The following AMBRA1 variants were observed in gnomAD, a reference collection of about 807,000 sequenced individuals.
AMBRA1 encodes the protein autophagy and beclin 1 regulator 1, also known as activating molecule in BECN1-regulated autophagy protein 1.
AMBRA1 carries 47 observed loss-of-function variants against 125.4 expected under a neutral mutation model. The observed-to-expected ratio is 0.37, with a 90% CI of 0.30 to 0.48. AMBRA1 has a LOEUF of 0.48. AMBRA1 is among the 20% of genes least tolerant of loss of function. AMBRA1 has a pLI of 0.99. For synonymous variants in AMBRA1, 626 were observed against 655.5 expected (o/e 0.95, Z 0.69); for missense variants, 1,331 against 1,693.4 (o/e 0.79, Z 3.76).
chr11:46,573,463 T>C (rs1470470769), intron 1 of AMBRA1, among the ~76,000 whole-genome samples: 1 of 151,530 alleles, frequency 6.6e-6, no homozygotes, highest in African/African-American at 2.4e-5. Context: ...TGTACCACAC[T>C]CCCTAAGGGC....
At position 46,418,004 on chromosome 11, in the gene AMBRA1, C is replaced by A. The variant is rs756766440; in HGVS notation, c.3025G>T (p.Val1009Phe). 6.2e-7 allele frequency: 1 copy of A among 1,608,744 alleles called. No homozygotes were observed. Among genetic ancestry groups the A allele is most frequent in the Non-Finnish European group, 8.5e-7 (1 of 1,176,318 alleles). The change falls in exon 15 of 18, where the codon GTC becomes TTC. Residue 1009 changes from valine to phenylalanine, a missense_variant. Val to Phe is a conservative substitution (Grantham distance 50). Transcript: ENST00000683756. ...AGCCAACGGGCAGAGTTGATACTGA[C>A]ATGTCTCCGCTGGTCGGCAGGCATG... The part of the protein sequence containing the change: ...YPMPADQRRH[V>F]SINSARWLPE...
intron 1 of AMBRA1, among the ~76,000 whole-genome samples, chr11:46,578,408 A>G (rs2044039783): frequency 6.6e-6 from 1 of 151,632 alleles, no homozygotes; most frequent in Non-Finnish European, 1.5e-5. Flanking sequence ...AGTTGCTTGA[A>G]CCTGGGAGGC....
At chr11:46,590,394 C>T (rs969449791) in intron 1 of AMBRA1, among the ~76,000 whole-genome samples, 2 of 151,424 alleles carry the variant, frequency 1.3e-5, no homozygotes, top group Admixed American at 1.3e-4. Flanking sequence ...GTAGTTCCAG[C>T]TATTGGGGAG....
chr11:46,413,780 C>A (rs1946406447), intron 15 of AMBRA1, among the ~76,000 whole-genome samples: 1 of 152,222 alleles, frequency 6.6e-6, no homozygotes, highest in Non-Finnish European at 1.5e-5. Context: ...CATGAGCCAC[C>A]ATGCCCGGCC....
At chr11:46,491,029 C>A (rs2059045837) in intron 11 of AMBRA1, 2 of 152,194 alleles carry the variant, frequency 1.3e-5, no homozygotes, top group Admixed American at 1.3e-4. Context: ...TAATAAAAAG[C>A]AAAACATCTG....
At chr11:46,493,849 T>C (rs1565216277) in intron 10 of AMBRA1, 141 bp from the exon 11 acceptor site, 2 of 689,084 alleles carry the variant, frequency 2.9e-6, no homozygotes, top group Admixed American at 6.0e-5. Context: ...CCAAGATTGG[T>C]CCTTCCGCAG....
intron 17 of AMBRA1, among the ~76,000 whole-genome samples, chr11:46,398,217 C>T (rs548387979): frequency 6.6e-6 from 1 of 152,360 alleles, no homozygotes; most frequent in African/African-American, 2.4e-5. Flanking sequence ...GCAGGTTGGC[C>T]TCAATGAGTT....
At chr11:46,480,812 G>C (rs1950033001) in intron 11 of AMBRA1, among the ~76,000 whole-genome samples, 1 of 152,312 alleles carries the variant, frequency 6.6e-6, no homozygotes, top group South Asian at 2.1e-4. Flanking sequence ...CCTTTTGACA[G>C]AGCTAAAGCT....
At chr11:46,489,554 C>T (rs777485171) in intron 11 of AMBRA1, among the ~76,000 whole-genome samples, 1 of 152,210 alleles carries the variant, frequency 6.6e-6, no homozygotes, top group Non-Finnish European at 1.5e-5. Flanking sequence ...CCGTAATGAC[C>T]TGTGGCTAGG....
intron 2 of AMBRA1, 66 bp from the exon 3 acceptor site, chr11:46,547,941 A>C: frequency 2.6e-6 from 4 of 1,522,376 alleles, no homozygotes; most frequent in East Asian, 2.3e-5. Context: ...ACCGTATCTC[A>C]AAAGCACATT....
At chr11:46,553,857 A>C (rs2043090028) in intron 1 of AMBRA1, among the ~76,000 whole-genome samples, 1 of 152,178 alleles carries the variant, frequency 6.6e-6, no homozygotes, top group Non-Finnish European at 1.5e-5. Context: ...TATCCTCATG[A>C]TACAGCTCTC....
intron 1 of AMBRA1, among the ~76,000 whole-genome samples, chr11:46,561,949 T>A (rs2043351492): frequency 6.6e-6 from 1 of 152,174 alleles, no homozygotes. Context: ...CAACAAGCAT[T>A]GATTAAGCAG....
At chr11:46,470,414 C>T (rs952265975) in intron 11 of AMBRA1, among the ~76,000 whole-genome samples, 1 of 151,808 alleles carries the variant, frequency 6.6e-6, no homozygotes, top group Non-Finnish European at 1.5e-5. Flanking sequence ...ACGGTGAAAC[C>T]CTATCTCTAC....
intron 11 of AMBRA1, among the ~76,000 whole-genome samples, chr11:46,464,714 C>A (rs1949244372): frequency 6.6e-6 from 1 of 152,070 alleles, no homozygotes; most frequent in Non-Finnish European, 1.5e-5. Flanking sequence ...TGCAAACCAA[C>A]CAATCCAGAG....
chr11:46,583,482 A>G (rs1359819651), intron 1 of AMBRA1, among the ~76,000 whole-genome samples: 1 of 150,562 alleles, frequency 6.6e-6, no homozygotes, highest in Non-Finnish European at 1.5e-5. Context: ...AATGGCAACA[A>G]AAGCCAAAAT....
intron 1 of AMBRA1, among the ~76,000 whole-genome samples, chr11:46,579,196 G>A (rs760674182): frequency 2.0e-4 from 31 of 152,062 alleles, no homozygotes; most frequent in Non-Finnish European, 3.1e-4. Flanking sequence ...GGTGGCTCAC[G>A]CCTGTAATCC....
chr11:46,499,913 A>C (rs1331658192), intron 9 of AMBRA1, among the ~76,000 whole-genome samples: 2 of 152,092 alleles, frequency 1.3e-5, no homozygotes, highest in African/African-American at 4.8e-5. Flanking sequence ...TCGGCCTCCA[A>C]AGTACTGGGA....
chr11:46,409,055 T>C (rs1021426162), intron 16 of AMBRA1, among the ~76,000 whole-genome samples: 2 of 152,346 alleles, frequency 1.3e-5, no homozygotes, highest in Admixed American at 6.5e-5. Flanking sequence ...GGCCAGTAGC[T>C]GAGATCATGG....
intron 7 of AMBRA1, among the ~76,000 whole-genome samples, chr11:46,517,305 A>C (rs1951535915): frequency 6.7e-6 from 1 of 149,980 alleles, no homozygotes. Flanking sequence ...CCACCACCAC[A>C]CCCAGCTGAT....
Sources: gnomAD v4.1 joint callset for allele counts (sites outside exome capture counted in the v4.1 genomes callset) on GRCh38, gnomAD v4.1.1 for gene constraint, MANE v1.5 for transcripts, NCBI Gene and HGNC (gene_info 2026-07-23, HGNC 2026-07-21) for gene names.